ARHGAP15: variants seen among roughly 807,000 people sequenced by gnomAD.
ARHGAP15 encodes rho GTPase-activating protein 15.
Under a neutral mutation model 63.7 loss-of-function variants are expected in ARHGAP15, and 51 were observed. The observed-to-expected ratio is 0.80, with a 90% CI of 0.64 to 1.01. ARHGAP15 has a LOEUF of 1.01. Ranked by LOEUF, ARHGAP15 falls within the 50% of genes least tolerant of loss-of-function variation. ARHGAP15 has a pLI of 0.00. For missense variants in ARHGAP15, 560 were observed against 564.6 expected, an observed-to-expected ratio of 0.99 and a Z score of 0.08; for synonymous variants, 191 against 193.8, an observed-to-expected ratio of 0.99 and a Z score of 0.12.
intron 11 of ARHGAP15, among the ~76,000 whole-genome samples, chr2:143,604,335 A>T (rs1023427983): frequency 6.6e-6 from 1 of 152,188 alleles, no homozygotes; most frequent in Non-Finnish European, 1.5e-5. Flanking sequence ...AATCACATGA[A>T]CCAGCCTGAC....
intron 2 of ARHGAP15, among the ~76,000 whole-genome samples, chr2:143,185,936 A>G (rs895027511): frequency 5.9e-5 from 9 of 152,146 alleles, no homozygotes; most frequent in Non-Finnish European, 4.4e-5. Context: ...CCTACAACGT[A>G]TCTTGTTTCT....
chr2:143,579,541 T>C (rs1310825223), intron 11 of ARHGAP15, among the ~76,000 whole-genome samples: 1 of 152,144 alleles, frequency 6.6e-6, no homozygotes, highest in Non-Finnish European at 1.5e-5. Context: ...GTGCCCTTCA[T>C]TCAGACCAGC....
chr2:143,703,242 C>T (rs1237636893), intron 12 of ARHGAP15, among the ~76,000 whole-genome samples, 177 bp from the exon 13 acceptor site: 1 of 152,116 alleles, frequency 6.6e-6, no homozygotes, highest in Admixed American at 6.5e-5. Context: ...AATTCAGAGT[C>T]AAAATAAAAA....
chr2:143,402,777 G>C (rs995938066), intron 6 of ARHGAP15, among the ~76,000 whole-genome samples: 3 of 151,830 alleles, frequency 2.0e-5, no homozygotes, highest in Non-Finnish European at 4.4e-5. Context: ...CAGAAACACT[G>C]CACAGAGATT....
intron 2 of ARHGAP15, among the ~76,000 whole-genome samples, chr2:143,176,640 T>G (rs1357137481): frequency 1.3e-5 from 2 of 152,200 alleles, no homozygotes; most frequent in Admixed American, 6.5e-5. Context: ...CCATTTGAAC[T>G]AGTTTAGAAA....
chr2:143,436,537 A>T (rs1038857663), intron 7 of ARHGAP15, among the ~76,000 whole-genome samples: 1 of 152,138 alleles, frequency 6.6e-6, no homozygotes, highest in African/African-American at 2.4e-5. Context: ...TTGAGGATGG[A>T]CTCTGGAACC....
chr2:143,537,935 T>C (rs2105035164), intron 10 of ARHGAP15, among the ~76,000 whole-genome samples: 1 of 152,162 alleles, frequency 6.6e-6, no homozygotes, highest in East Asian at 1.9e-4. Context: ...GGTAGCTTGA[T>C]GGGGATGGCA....
chr2:143,230,174 GT>G (rs1331542060), intron 5 of ARHGAP15, among the ~76,000 whole-genome samples: 2 of 152,140 alleles, frequency 1.3e-5, no homozygotes, highest in Non-Finnish European at 1.5e-5. Context: ...GCCTTGCTGA[GT>G]TTGGCTGCTG....
In ARHGAP15 at chr2:143,244,292, A is replaced by T. The variant is rs555556871; in HGVS notation, c.385-6219A>T. 1.1e-4 allele frequency among the ~76,000 whole-genome samples: 17 copies of T among 152,300 alleles called. 1 individual carries two copies. The South Asian group carries it at 1.9e-3, about 17-fold the overall frequency. On this transcript the variant is annotated intron_variant, in intron 5 of 13. Transcript: ENST00000295095. ...ATAGCTAGGGGAAAAAAAACACACC[A>T]AAAAGGAGTAGCAATGTGTGACTAA...
At chr2:143,241,154 A>G (rs954046236) in intron 5 of ARHGAP15, among the ~76,000 whole-genome samples, 3 of 152,204 alleles carry the variant, frequency 2.0e-5, no homozygotes, top group African/African-American at 7.2e-5. Context: ...GTATATGTAT[A>G]GTCTTTCTTA....
At chr2:143,497,971 C>T (rs1692892413) in intron 9 of ARHGAP15, among the ~76,000 whole-genome samples, 1 of 152,144 alleles carries the variant, frequency 6.6e-6, no homozygotes, top group Non-Finnish European at 1.5e-5. Flanking sequence ...TTAGGGACCC[C>T]ATTCAGCAGA....
At chr2:143,433,121 G>A (rs1305962657) in intron 6 of ARHGAP15, among the ~76,000 whole-genome samples, 2 of 151,898 alleles carry the variant, frequency 1.3e-5, no homozygotes, top group Admixed American at 6.6e-5. Flanking sequence ...TTGGAAATTC[G>A]ATTGTTCAAA....
intron 13 of ARHGAP15, among the ~76,000 whole-genome samples, chr2:143,755,561 T>TC (rs1686546655): frequency 6.6e-6 from 1 of 152,016 alleles, no homozygotes; most frequent in Non-Finnish European, 1.5e-5. Flanking sequence ...AAATATTCTT[T>TC]CCCCCCTGCT....
intron 12 of ARHGAP15, among the ~76,000 whole-genome samples, chr2:143,673,680 G>T (rs561855585): frequency 2.5e-4 from 36 of 144,966 alleles, no homozygotes; most frequent in Non-Finnish European, 4.9e-4. Context: ...CTTAAGTTGG[G>T]AGAAAATGTT....
chr2:143,542,746 GATATATATAATATCACATATATAATA>G (rs1559040481), intron 10 of ARHGAP15, among the ~76,000 whole-genome samples: 3 of 91,006 alleles, frequency 3.3e-5, no homozygotes, highest in Admixed American at 1.2e-4. Context: ...ATATATATAT[GATATATATAATATCACATATATAATA>G]TATATATGAT....
chr2:143,543,420 GTTGT>G (rs1368415481), intron 10 of ARHGAP15, among the ~76,000 whole-genome samples: 2 of 151,952 alleles, frequency 1.3e-5, no homozygotes, highest in Non-Finnish European at 2.9e-5. Context: ...TTGGTATTGA[GTTGT>G]TTGAGTACCT....
At chr2:143,566,414 C>T (rs1343880304) in intron 11 of ARHGAP15, among the ~76,000 whole-genome samples, 1 of 151,990 alleles carries the variant, frequency 6.6e-6, no homozygotes, top group Non-Finnish European at 1.5e-5. Context: ...TGTGGGACAC[C>T]GGAAGTACAG....
At chr2:143,599,980 C>T (rs575131015) in intron 11 of ARHGAP15, among the ~76,000 whole-genome samples, 28 of 152,236 alleles carry the variant, frequency 1.8e-4, no homozygotes, top group Non-Finnish European at 3.4e-4. Flanking sequence ...TAATTTCTTT[C>T]CTATCCTCAT....
At chr2:143,157,150 C>A (rs1209892673) in intron 2 of ARHGAP15, among the ~76,000 whole-genome samples, 2 of 151,848 alleles carry the variant, frequency 1.3e-5, no homozygotes, top group African/African-American at 4.8e-5. Context: ...ACCTCAATAG[C>A]CTGCAGAACT....
Sources: allele counts gnomAD v4.1 joint callset (sites outside exome capture counted in the v4.1 genomes callset), GRCh38; gene constraint gnomAD v4.1.1; transcripts MANE v1.5; gene names NCBI Gene and HGNC (gene_info 2026-07-23, HGNC 2026-07-21).